Variants in IQCM observed in about 807,000 individuals in gnomAD.
IQCM encodes IQ motif containing M, also known as IQ domain-containing protein M.
IQCM carries 45 observed loss-of-function variants against 57.6 expected under a neutral mutation model. The ratio of observed to expected loss-of-function variants is 0.78; its 90% confidence interval spans 0.62 to 1.00. IQCM has a LOEUF of 1.00. IQCM is among the 50% of genes least tolerant of loss of function. The probability of loss-of-function intolerance (pLI) is 0.00; values close to 1 mark genes in which losing one functional copy is unlikely to be tolerated. For missense variants in IQCM, 468 were observed against 511.6 expected (o/e 0.91, Z 0.82); for synonymous variants, 148 against 158.9 (o/e 0.93, Z 0.51).
At chr4:149,647,388 G>C (rs1429235855) in intron 7 of IQCM, among the ~76,000 whole-genome samples, 1 of 151,536 alleles carries the variant, frequency 6.6e-6, no homozygotes, top group Non-Finnish European at 1.5e-5. Context: ...CTTCATGAAA[G>C]TTTGTTGGTC....
Position 149,733,397 on chromosome 4 carries a change from G to A in IQCM, c.232C>T (p.Gln78Ter). 2 of 1,231,742 alleles carry A rather than the reference G, an allele frequency of 1.6e-6. No homozygotes were observed. Among genetic ancestry groups the A allele is most frequent in the Non-Finnish European group, 2.0e-6 (2 of 987,744 alleles). The allele number at this position is 1,231,742 out of a possible 1,614,324, so 76.3% of individuals were successfully genotyped here. The stretch of plus-strand genomic sequence containing the variant: ...CTTCTGAGTGCGGCCCGATGTTCTT[G>A]CACCACATCACGTGTTACCTTTTTG... ...IDKKVTRDVV[Q>*]EHRAALRRIC... is the part of the protein sequence containing the mutation. The change falls in exon 5 of 14, where the codon CAA (glutamine) becomes TAA (stop). Residue 78 changes from glutamine (Q) to a stop codon, truncating the protein, a stop_gained. Coordinates refer to ENST00000636793, the MANE Select transcript of IQCM (RefSeq NM_001363507.2). LOFTEE classifies it high-confidence loss of function.
intron 12 of IQCM, among the ~76,000 whole-genome samples, chr4:149,435,418 G>A (rs111465576): frequency 6.6e-6 from 1 of 152,046 alleles, no homozygotes; most frequent in African/African-American, 2.4e-5. Flanking sequence ...GATGATGCTG[G>A]TGTAAATAAT....
At chr4:149,781,409 A>G (rs1233930273) in intron 2 of IQCM, among the ~76,000 whole-genome samples, 1 of 152,186 alleles carries the variant, frequency 6.6e-6, no homozygotes, top group Non-Finnish European at 1.5e-5. Context: ...CAGCATATAT[A>G]TGCTACGTTT....
chr4:149,700,041 A>C (rs919031040), intron 5 of IQCM, among the ~76,000 whole-genome samples: 5 of 152,032 alleles, frequency 3.3e-5, no homozygotes, highest in Non-Finnish European at 7.4e-5. Context: ...TCATGTAGAT[A>C]ACACCTGCCC....
At position 149,530,476 on chromosome 4, in the gene IQCM, G is replaced by A. The variant is rs539014231; in HGVS notation, c.1228+17979C>T. The stretch of plus-strand genomic sequence containing the variant: ...AGGAAAGCAATCTCTGTGTATCCAA[G>A]AGAGGATACAGAATTGACACATAGA... On this transcript the variant is annotated intron_variant, in intron 12 of 13. Coordinates refer to ENST00000636793, the MANE Select transcript of IQCM (RefSeq NM_001363507.2). 3.3e-5 allele frequency among the ~76,000 whole-genome samples: 5 copies of A among 152,198 alleles called. No individual in the cohort carries two copies. The South Asian group carries it at 1.0e-3, about 32-fold the overall frequency.
chr4:149,775,926 G>A (rs556092645), intron 2 of IQCM, among the ~76,000 whole-genome samples: 1 of 152,116 alleles, frequency 6.6e-6, no homozygotes, highest in Non-Finnish European at 1.5e-5. Context: ...AATCTACCCA[G>A]GATGACATGT....
At chr4:149,517,916 T>C (rs1244694141) in intron 12 of IQCM, among the ~76,000 whole-genome samples, 2 of 152,162 alleles carry the variant, frequency 1.3e-5, no homozygotes, top group East Asian at 1.9e-4. Context: ...TGGGACCTTG[T>C]GATTGTGTGA....
intron 12 of IQCM, among the ~76,000 whole-genome samples, chr4:149,522,673 T>C (rs1745773493): frequency 6.6e-6 from 1 of 151,628 alleles, no homozygotes; most frequent in African/African-American, 2.4e-5. Flanking sequence ...AAGCAACATA[T>C]CAACAGATCC....
intron 12 of IQCM, among the ~76,000 whole-genome samples, chr4:149,499,080 G>A (rs959848845): frequency 6.6e-6 from 1 of 152,074 alleles, no homozygotes. Context: ...TATATAAATA[G>A]AAATAAAGTT....
chr4:149,796,885 G>A lies in IQCM; in HGVS notation c.-49+18426C>T, dbSNP rs78024229. 2.2e-3 allele frequency among the ~76,000 whole-genome samples: 328 copies of A among 152,298 alleles called. 1 individual carries two copies. The highest frequency in any genetic ancestry group is 1.2e-3 in the Non-Finnish European group (84 of 68,026). ...TTGGGGTTCCCCTAAAGCAAATACAGCTTAGATCACAACACCCAAGTCATT... is the reference window on the plus strand; with the variant it reads ...TTGGGGTTCCCCTAAAGCAAATACAACTTAGATCACAACACCCAAGTCATT... On this transcript the variant is annotated intron_variant, in intron 2 of 13. Coordinates refer to ENST00000636793, the MANE Select transcript of IQCM (RefSeq NM_001363507.2).
intron 2 of IQCM, among the ~76,000 whole-genome samples, chr4:149,813,648 A>G (rs912198478): frequency 6.6e-6 from 1 of 152,052 alleles, no homozygotes; most frequent in Non-Finnish European, 1.5e-5. Context: ...AGATACCTAT[A>G]TGTCTTCCCC....
At chr4:149,417,744 G>T (rs994355061) in intron 13 of IQCM, among the ~76,000 whole-genome samples, 3 of 151,542 alleles carry the variant, frequency 2.0e-5, no homozygotes, top group African/African-American at 7.3e-5. Flanking sequence ...GTAATGATTT[G>T]CCATTTAGGT....
At chr4:149,615,078 A>G (rs868347264) in intron 8 of IQCM, among the ~76,000 whole-genome samples, 17 of 152,230 alleles carry the variant, frequency 1.1e-4, no homozygotes, top group Middle Eastern at 3.2e-3. Context: ...AACACTATAG[A>G]TAAGTGCATT....
In IQCM at chr4:149,383,942, A is replaced by T. The variant is rs572789931; in HGVS notation, c.1391-31876T>A. Among the ~76,000 whole-genome samples the T allele has an allele frequency of 6.6e-5, 10 of 152,220 alleles. 1 individual carries two copies. The highest frequency in any genetic ancestry group is 3.4e-3 in the Middle Eastern group (1 of 294). On this transcript the variant is annotated intron_variant, in intron 13 of 13. Transcript: ENST00000636793. ...CACTCTAGCCTGGGGAAGAAGAGCGAAACTCCATCTCAAAAAAAAGAAGAA... is the reference window on the plus strand; with the variant it reads ...CACTCTAGCCTGGGGAAGAAGAGCGTAACTCCATCTCAAAAAAAAGAAGAA...
chr4:149,374,835 T>C (rs1235049403), intron 13 of IQCM, among the ~76,000 whole-genome samples: 1 of 152,058 alleles, frequency 6.6e-6, no homozygotes, highest in Non-Finnish European at 1.5e-5. Context: ...GGATGTTATG[T>C]TTCAAAAAAG....
At chr4:149,504,711 C>G (rs920852974) in intron 12 of IQCM, among the ~76,000 whole-genome samples, 4 of 152,088 alleles carry the variant, frequency 2.6e-5, no homozygotes, top group African/African-American at 7.2e-5. Context: ...GCCAGGAGTT[C>G]AAGACCAGCC....
intron 12 of IQCM, among the ~76,000 whole-genome samples, chr4:149,489,419 G>C (rs1443494683): frequency 2.0e-5 from 3 of 152,012 alleles, no homozygotes; most frequent in Admixed American, 6.6e-5. Flanking sequence ...TACCATGGTA[G>C]GTTAATCTCA....
chr4:149,480,956 G>A (rs1740712178), intron 12 of IQCM, among the ~76,000 whole-genome samples: 1 of 152,056 alleles, frequency 6.6e-6, no homozygotes, highest in Non-Finnish European at 1.5e-5. Flanking sequence ...ATTTTAATTG[G>A]GGTGAGACGA....
intron 8 of IQCM, among the ~76,000 whole-genome samples, chr4:149,620,030 A>C (rs1416629711): frequency 6.6e-6 from 1 of 152,062 alleles, no homozygotes; most frequent in Non-Finnish European, 1.5e-5. Flanking sequence ...GGTGGCAAGC[A>C]TCGGTAATCC....
Sources: allele counts gnomAD v4.1 joint callset (sites outside exome capture counted in the v4.1 genomes callset), GRCh38; gene constraint gnomAD v4.1.1; transcripts MANE v1.5; gene names NCBI Gene and HGNC (gene_info 2026-07-23, HGNC 2026-07-21).